Variants in NEMF observed in about 807,000 individuals in gnomAD.
The protein encoded by NEMF is ribosome quality control complex subunit NEMF.
In NEMF, 89 loss-of-function variants were observed where a neutral mutation model predicts 162.2. The observed-to-expected ratio is 0.55, with a 90% confidence interval of 0.46 to 0.65. NEMF has a LOEUF of 0.65. Ranked by LOEUF, NEMF falls within the 30% of genes least tolerant of loss-of-function variation. The pLI is 0.00. For synonymous variants in NEMF, 421 were observed against 404.5 expected (o/e 1.04, Z -0.49); for missense variants, 1,133 against 1,261.9 (o/e 0.90, Z 1.55).
chr14:49,824,486 T>A (rs1054460092), intron 16 of NEMF, among the ~76,000 whole-genome samples: 2 of 127,572 alleles, frequency 1.6e-5, no homozygotes, highest in Admixed American at 2.0e-4. Context: ...GAGGTTACAG[T>A]GAGCCAAAGA....
At chr14:49,788,272 G>A (rs1264637459) in intron 28 of NEMF, among the ~76,000 whole-genome samples, 2 of 6,728 alleles carry the variant, frequency 3.0e-4, no homozygotes, top group African/African-American at 8.3e-4. Flanking sequence ...GAGCAAGACT[G>A]CCTCAAAAAA....
chr14:49,841,223 T>TA (rs112226255), intron 4 of NEMF, among the ~76,000 whole-genome samples: 2,446 of 99,666 alleles, frequency 0.025, 69 homozygotes, highest in African/African-American at 0.086. Flanking sequence ...AAAAAGGAAA[T>TA]AAAAAAACAA....
At chr14:49,825,683 C>A (rs923950726) in intron 16 of NEMF, among the ~76,000 whole-genome samples, 184 bp downstream of exon 16, 2 of 152,210 alleles carry the variant, frequency 1.3e-5, no homozygotes, top group Non-Finnish European at 2.9e-5. Flanking sequence ...CTACAGTGAG[C>A]CATGTTCATG....
Position 49,783,297 on chromosome 14 carries a change from ATT to A in NEMF, c.*1337_*1338del, listed in dbSNP as rs35247807. The A allele has an allele frequency of 4.8e-3, 748 of 156,452 alleles. 3 individuals are homozygous for A. Among genetic ancestry groups the A allele is most frequent in the South Asian group, 0.011 (53 of 4,896 alleles). 9.7% of individuals were successfully genotyped at this position (156,452 alleles called of 1,614,324 possible). ...AAGTCATTTTTTGAAAACATTATAG[ATT>A]TTTTTTTTTTTAATGGCAAGAGTAG... On this transcript the variant is annotated 3_prime_UTR_variant, in exon 33 of 33. Transcript: ENST00000298310.
intron 4 of NEMF, among the ~76,000 whole-genome samples, chr14:49,841,383 T>C (rs1174086562): frequency 6.6e-6 from 1 of 151,440 alleles, no homozygotes; most frequent in Non-Finnish European, 1.5e-5. Flanking sequence ...AAAACCAGCT[T>C]GACCAACATG....
At chr14:49,841,886 A>T (rs1362455909) in intron 4 of NEMF, among the ~76,000 whole-genome samples, 1 of 152,116 alleles carries the variant, frequency 6.6e-6, no homozygotes, top group Admixed American at 6.5e-5. Flanking sequence ...CGGGCAGATC[A>T]CCTGAGGTCC....
chr14:49,827,322 G>A (rs1020594667), intron 15 of NEMF, among the ~76,000 whole-genome samples: 1 of 152,112 alleles, frequency 6.6e-6, no homozygotes, highest in Non-Finnish European at 1.5e-5. Flanking sequence ...AAGTAGCTGG[G>A]ATTACAGGTA....
Position 49,789,486 on chromosome 14 carries a change from T to A in NEMF, c.2697+10A>T. 1.9e-6 allele frequency: 3 copies of A among 1,611,566 alleles called. No homozygotes were observed. Among genetic ancestry groups the A allele is most frequent in the Non-Finnish European group, 2.5e-6 (3 of 1,179,474 alleles). ...AAGCAAAAGAAAAAATGTTTTTAGA[T>A]GTTATTTACCCCCAGCAACTTCATG... On this transcript the variant is annotated intron_variant, in intron 27 of 32. Transcript: ENST00000298310.
At chr14:49,831,226 C>G in intron 11 of NEMF, 73 bp downstream of exon 11, 2 of 806,806 alleles carry the variant, frequency 2.5e-6, no homozygotes, top group Admixed American at 4.2e-5. Flanking sequence ...GAAAGGCTAC[C>G]CTTTCCTATA....
rs111593629 is a variant in NEMF at position 49,819,941 on chromosome 14, A to AT, written c.1578-5085dup. On this transcript the variant is annotated intron_variant, in intron 16 of 32. Transcript: ENST00000298310. The stretch of plus-strand genomic sequence containing the variant: ...GATTAGAATGCCACTTCAGCCACCC[A>AT]TTTTTTTTTTTTGTTTTTGTTTTTT... Among the ~76,000 whole-genome samples the AT allele has an allele frequency of 3.2e-3, 444 of 138,830 alleles. 2 individuals are homozygous for AT. Among genetic ancestry groups the AT allele is most frequent in the African/African-American group, 5.8e-3 (219 of 38,056 alleles). 91.1% of individuals were successfully genotyped at this position (138,830 alleles called of 152,430 possible).
At chr14:49,807,356 G>A (rs947696084) in intron 18 of NEMF, among the ~76,000 whole-genome samples, 1 of 152,160 alleles carries the variant, frequency 6.6e-6, no homozygotes, top group Admixed American at 6.5e-5. Flanking sequence ...CTGCAAACAA[G>A]TTTTGTGTAG....
rs1306009693 is a variant in NEMF, at chr14:49,782,987, T to C, written c.*1649A>G. 5 of 1,600,816 alleles carry C rather than the reference T, an allele frequency of 3.1e-6. No homozygotes were observed. Among genetic ancestry groups the C allele is most frequent in the African/African-American group, 1.3e-5 (1 of 74,500 alleles). ...AAATAATGCCTATGATCACCTTGCATGGACAGCAATCCTGTAAACATCACA... is the reference window on the plus strand; with the variant it reads ...AAATAATGCCTATGATCACCTTGCACGGACAGCAATCCTGTAAACATCACA... On this transcript the variant is annotated 3_prime_UTR_variant, in exon 33 of 33. Coordinates refer to ENST00000298310, the MANE Select transcript of NEMF (RefSeq NM_004713.6).
intron 3 of NEMF, among the ~76,000 whole-genome samples, chr14:49,850,667 G>GA (rs1365977601): frequency 2.1e-5 from 3 of 145,840 alleles, no homozygotes; most frequent in Non-Finnish European, 4.5e-5. Flanking sequence ...AAACAAAACA[G>GA]AAAAATAAAA....
chr14:49,807,089 G>T (rs527563628), intron 18 of NEMF, among the ~76,000 whole-genome samples: 3 of 152,056 alleles, frequency 2.0e-5, no homozygotes, highest in Non-Finnish European at 2.9e-5. Flanking sequence ...TCTATTTTCT[G>T]TCTCTATGGT....
chr14:49,801,644 T>C (rs549880484), intron 22 of NEMF: 1 of 152,146 alleles, frequency 6.6e-6, no homozygotes, highest in East Asian at 1.9e-4. Context: ...GCAGAGAGAA[T>C]AACTACAAAA....
chr14:49,828,566 A>C, intron 14 of NEMF, 50 bp downstream of exon 14: 5 of 1,382,078 alleles, frequency 3.6e-6, no homozygotes, highest in Non-Finnish European at 4.9e-6. Flanking sequence ...TTAATTCCTT[A>C]ATTTATTGCA....
chr14:49,830,980 A>C (rs1892604877), intron 11 of NEMF, among the ~76,000 whole-genome samples: 1 of 152,222 alleles, frequency 6.6e-6, no homozygotes, highest in Non-Finnish European at 1.5e-5. Flanking sequence ...GTATCTCCTT[A>C]ACAGCAATGT....
rs372323413 is a variant in NEMF at position 49,829,434 on chromosome 14, T to C, written c.946-8A>G. ...CTTCAATGCTTGCTTTTCCTTTTAT[T>C]GGCAAAACAGATTTTTTAAAAATTA... On this transcript the variant is annotated splice_polypyrimidine_tract_variant and splice_region_variant and intron_variant, in intron 11 of 32. Coordinates refer to ENST00000298310, the MANE Select transcript of NEMF (RefSeq NM_004713.6). 6 of 1,610,836 alleles carry C rather than the reference T, an allele frequency of 3.7e-6. No homozygotes were observed. In the South Asian group the frequency reaches 6.6e-5, roughly 18 times the overall value.
At chr14:49,838,444 T>C (rs374675920) in intron 5 of NEMF, among the ~76,000 whole-genome samples, 2 of 152,270 alleles carry the variant, frequency 1.3e-5, no homozygotes, top group African/African-American at 2.4e-5. Context: ...CCAAGGCATA[T>C]TGTCAGCAAT....
Sources: gnomAD v4.1 joint callset for allele counts (sites outside exome capture counted in the v4.1 genomes callset) on GRCh38, gnomAD v4.1.1 for gene constraint, MANE v1.5 for transcripts, NCBI Gene and HGNC (gene_info 2026-07-23, HGNC 2026-07-21) for gene names.